The following ASAH2 variants were observed in gnomAD, a reference collection of about 807,000 sequenced individuals.
The protein encoded by ASAH2 is N-acylsphingosine amidohydrolase 2.
Under a neutral mutation model 82.9 loss-of-function variants are expected in ASAH2, and 58 were observed. The observed-to-expected ratio is 0.70, with a 90% CI of 0.57 to 0.87. The LOEUF (loss-of-function observed/expected upper bound fraction) is 0.87. ASAH2 is among the 40% of genes least tolerant of loss of function. The pLI, the probability that ASAH2 is intolerant of heterozygous loss-of-function variation, is 0.00. For synonymous variants in ASAH2, 276 were observed against 289.7 expected (o/e 0.95, Z 0.48); for missense variants, 779 against 834.0 (o/e 0.93, Z 0.81).
In ASAH2 at chr10:50,245,260, G is replaced by A. The variant is rs756730469; in HGVS notation, c.322C>T (p.Arg108Ter). 150 of 1,613,902 alleles carry A rather than the reference G, an allele frequency of 9.3e-5. No homozygotes were observed. The highest frequency in any genetic ancestry group is 1.0e-4 in the Non-Finnish European group (120 of 1,179,974). ...GCTACTTGTCCTGTGCAGTCAGCTCGTCCAACACCAATATGGTAGCCACTG... is the reference window on the plus strand; with the variant it reads ...GCTACTTGTCCTGTGCAGTCAGCTCATCCAACACCAATATGGTAGCCACTG... Reference protein sequence around the residue: ...NFSGYHIGVGRADCTGQVADI... With the variant: ...NFSGYHIGVG Residue 108 changes from arginine (R) to a stop codon, truncating the protein, a stop_gained, in exon 3 of 21, where the codon CGA becomes TGA. Transcript: ENST00000682911. LOFTEE classifies it high-confidence loss of function.
intron 8 of ASAH2, among the ~76,000 whole-genome samples, chr10:50,215,414 A>G (rs1032235854): frequency 2.6e-5 from 4 of 151,056 alleles, no homozygotes; most frequent in Non-Finnish European, 2.9e-5. Flanking sequence ...GTTTTCTTCT[A>G]GGGTGTTTAT....
chr10:50,245,450 T>C lies in ASAH2; in HGVS notation c.132A>G (p.Leu44=). Reference sequence around the variant, plus strand: ...GGGTGGTTGAAAAAAAATGGCCTCCTAAATCTAAAACAGAATAAGAGATTT... The same window carrying C: ...GGGTGGTTGAAAAAAAATGGCCTCCCAAATCTAAAACAGAATAAGAGATTT... ...TSGTIENHKD[L]GGHFFSTTQS... is the part of the protein sequence containing the mutation. Residue 44 remains leucine, a synonymous_variant, in exon 3 of 21, where the codon TTA becomes TTG. Transcript: ENST00000682911. The C allele has an allele frequency of 6.2e-7, 1 of 1,611,856 alleles. No homozygotes were observed. The highest frequency in any genetic ancestry group is 8.5e-7 in the Non-Finnish European group (1 of 1,178,880).
chr10:50,234,397 C>A, intron 6 of ASAH2, 28 bp downstream of exon 6: 1 of 1,612,548 alleles, frequency 6.2e-7, no homozygotes, highest in Non-Finnish European at 8.5e-7. Context: ...GGGAATGAAA[C>A]GATTTCATTT....
chr10:50,245,182 T>A, intron 3 of ASAH2, 40 bp downstream of exon 3: 1 of 1,457,542 alleles, frequency 6.9e-7, no homozygotes, highest in Non-Finnish European at 9.5e-7. Flanking sequence ...ATAAAATTAC[T>A]TGTTTCACAG....
At chr10:50,204,501 AAGG>A (rs1269398802) in intron 14 of ASAH2, among the ~76,000 whole-genome samples, 2,666 of 152,132 alleles carry the variant, frequency 0.018, 33 homozygotes, top group Non-Finnish European at 0.026. Flanking sequence ...ACAACATATC[AAGG>A]AGTTTTAAAA....
At chr10:50,223,708 T>C (rs1845804391) in intron 7 of ASAH2, among the ~76,000 whole-genome samples, 1 of 152,102 alleles carries the variant, frequency 6.6e-6, no homozygotes, top group Admixed American at 6.6e-5. Flanking sequence ...ATAGATGTAA[T>C]CAAGGTAAAG....
chr10:50,244,880 C>T (rs956171184), intron 3 of ASAH2, among the ~76,000 whole-genome samples: 1 of 151,856 alleles, frequency 6.6e-6, no homozygotes, highest in African/African-American at 2.4e-5. Flanking sequence ...CTACTACCTC[C>T]CACCCCCAAA....
At chr10:50,203,581 T>TCCTATTGTGAAGAGGG in intron 15 of ASAH2, 59 bp downstream of exon 15, 2 of 1,345,052 alleles carry the variant, frequency 1.5e-6, no homozygotes, top group Non-Finnish European at 2.1e-6. Context: ...AGGGATAGGA[T>TCCTATTGTGAAGAGGG]ATACTTTCCT....
At chr10:50,203,577 AGGAT>A in intron 15 of ASAH2, 59 bp downstream of exon 15, 29 of 1,319,218 alleles carry the variant, frequency 2.2e-5, no homozygotes, top group South Asian at 3.5e-5. Context: ...TCATAGGGAT[AGGAT>A]ATACTTTCCT....
intron 4 of ASAH2, among the ~76,000 whole-genome samples, chr10:50,236,649 G>A: frequency 6.6e-6 from 1 of 152,146 alleles, no homozygotes; most frequent in East Asian, 1.9e-4. Flanking sequence ...CTTACTATAA[G>A]CAAACACAAT....
At chr10:50,236,191 C>T (rs1846155406) in intron 4 of ASAH2, 127 bp from the exon 5 acceptor site, 1 of 841,018 alleles carries the variant, frequency 1.2e-6, no homozygotes, top group Non-Finnish European at 2.0e-6. Context: ...TCTCATGCTG[C>T]TAATAAAGAC....
chr10:50,236,807 C>A (rs1319114358), intron 4 of ASAH2, among the ~76,000 whole-genome samples: 7 of 152,010 alleles, frequency 4.6e-5, no homozygotes, highest in African/African-American at 7.2e-5. Context: ...AGTAGCAGAG[C>A]CAGACTCCAG....
chr10:50,198,094 A>G (rs1845036631), intron 17 of ASAH2, among the ~76,000 whole-genome samples: 1 of 152,138 alleles, frequency 6.6e-6, no homozygotes, highest in Admixed American at 6.6e-5. Context: ...TAATACAGGC[A>G]TATGAAATTT....
intron 3 of ASAH2, among the ~76,000 whole-genome samples, chr10:50,244,628 T>C (rs190678459): frequency 1.3e-5 from 2 of 152,310 alleles, no homozygotes; most frequent in East Asian, 3.9e-4. Flanking sequence ...ACCTGACACA[T>C]AGAAGTTTTA....
chr10:50,216,558 C>T (rs1845607564), intron 8 of ASAH2, among the ~76,000 whole-genome samples: 1 of 152,140 alleles, frequency 6.6e-6, no homozygotes, highest in Non-Finnish European at 1.5e-5. Flanking sequence ...TCCCTTTGCC[C>T]TTTAAAAATA....
At chr10:50,215,021 G>C (rs1393971076) in intron 8 of ASAH2, among the ~76,000 whole-genome samples, 153 bp from the exon 9 acceptor site, 1 of 152,204 alleles carries the variant, frequency 6.6e-6, no homozygotes, top group South Asian at 2.1e-4. Context: ...TAGGTTGCCT[G>C]TTCACTCTGA....
chr10:50,236,726 T>C (rs1846169599), intron 4 of ASAH2, among the ~76,000 whole-genome samples: 2 of 152,068 alleles, frequency 1.3e-5, no homozygotes, highest in Non-Finnish European at 2.9e-5. Context: ...TACACAAGTA[T>C]TGTTAAGCCC....
At chr10:50,231,624 G>A (rs1437320562) in intron 7 of ASAH2, among the ~76,000 whole-genome samples, 1 of 152,100 alleles carries the variant, frequency 6.6e-6, no homozygotes, top group Admixed American at 6.6e-5. Context: ...ACAGTTACAT[G>A]CCTGACATTT....
intron 15 of ASAH2, among the ~76,000 whole-genome samples, chr10:50,203,325 T>A (rs1845206251): frequency 1.3e-5 from 2 of 152,022 alleles, no homozygotes; most frequent in African/African-American, 4.8e-5. Flanking sequence ...ATTCCCAAAA[T>A]GTAATACATT....
Sources: gnomAD v4.1 joint callset for allele counts (sites outside exome capture counted in the v4.1 genomes callset) on GRCh38, gnomAD v4.1.1 for gene constraint, MANE v1.5 for transcripts, NCBI Gene and HGNC (gene_info 2026-07-23, HGNC 2026-07-21) for gene names.